PLAAT1: variants seen among roughly 807,000 people sequenced by gnomAD.
PLAAT1 encodes H-REV107 protein-related protein.
PLAAT1 carries 13 observed loss-of-function variants against 16.4 expected under a neutral mutation model. The observed-to-expected ratio is 0.79, with a 90% CI of 0.52 to 1.26. The LOEUF is 1.26. PLAAT1 is among the 50% of genes most tolerant of loss of function. The pLI, the probability that PLAAT1 is intolerant of heterozygous loss-of-function variation, is 0.00. For missense variants in PLAAT1, 218 were observed against 207.8 expected, an observed-to-expected ratio of 1.05 and a Z score of -0.30; for synonymous variants, 73 against 78.4, an observed-to-expected ratio of 0.93 and a Z score of 0.36.
chr3:193,262,551 C>A (rs1716624077), intron 2 of PLAAT1, among the ~76,000 whole-genome samples: 1 of 152,012 alleles, frequency 6.6e-6, no homozygotes, highest in East Asian at 1.9e-4. Flanking sequence ...GTGTACCCTA[C>A]AGTATTAATT....
At chr3:193,241,920 C>T (rs1304284343) in intron 1 of PLAAT1, among the ~76,000 whole-genome samples, 4 of 152,174 alleles carry the variant, frequency 2.6e-5, no homozygotes, top group Non-Finnish European at 5.9e-5. Context: ...TTTCTCTGGG[C>T]TTGGATTCCT....
chr3:193,247,554 C>T (rs1301502110), intron 1 of PLAAT1, among the ~76,000 whole-genome samples: 1 of 152,152 alleles, frequency 6.6e-6, no homozygotes, highest in East Asian at 1.9e-4. Flanking sequence ...TGTCTGCGTG[C>T]CTAATTATTC....
intron 1 of PLAAT1, among the ~76,000 whole-genome samples, chr3:193,253,207 C>G (rs1716257259): frequency 6.6e-6 from 1 of 152,140 alleles, no homozygotes; most frequent in African/African-American, 2.4e-5. Context: ...TAGCCTTCAG[C>G]TTCCTCTGTT....
At chr3:193,259,082 G>T (rs577921928) in intron 2 of PLAAT1, among the ~76,000 whole-genome samples, 1 of 152,272 alleles carries the variant, frequency 6.6e-6, no homozygotes, top group Admixed American at 6.5e-5. Flanking sequence ...TGAGGTACAA[G>T]ATTGGTTCGA....
chr3:193,259,289 A>G lies in PLAAT1; in HGVS notation c.139+3500A>G, dbSNP rs138807026. ...ACACCCACAGCCAACATCATACTGAATGGGCCATTCCCCTTCAGAACTGAA... is the reference window on the plus strand; with the variant it reads ...ACACCCACAGCCAACATCATACTGAGTGGGCCATTCCCCTTCAGAACTGAA... On this transcript the variant is annotated intron_variant, in intron 2 of 3. Transcript: ENST00000264735. Among the ~76,000 whole-genome samples, 899 of 152,214 alleles carry G rather than the reference A, an allele frequency of 5.9e-3. 11 individuals carry two copies. The highest frequency in any genetic ancestry group is 0.021 in the African/African-American group (854 of 41,560).
intron 1 of PLAAT1, 102 bp downstream of exon 1, chr3:193,241,635 G>A: frequency 1.3e-6 from 1 of 799,416 alleles, no homozygotes; most frequent in Non-Finnish European, 1.7e-6. Context: ...AGAGAACAAC[G>A]GAGCTTATCC....
In PLAAT1 at chr3:193,270,708, A is replaced by G. The variant is rs1369826280; in HGVS notation, c.*3A>G. ...GACAAAGAGCAAAATACTATTAACA[A>G]TTTACCAAAGAGATATTGATATTGA... On this transcript the variant is annotated 3_prime_UTR_variant, in exon 4 of 4. Transcript: ENST00000264735. 3.1e-6 allele frequency: 5 copies of G among 1,611,886 alleles called. No individual in the cohort carries two copies. The highest frequency in any genetic ancestry group is 4.5e-5 in the East Asian group (2 of 44,846).
chr3:193,268,839 TG>T (rs1716870311), intron 3 of PLAAT1, among the ~76,000 whole-genome samples: 1 of 152,304 alleles, frequency 6.6e-6, no homozygotes, highest in South Asian at 2.1e-4. Flanking sequence ...GTGTTTCTAG[TG>T]GCTGAAAGAT....
intron 1 of PLAAT1, among the ~76,000 whole-genome samples, chr3:193,253,656 C>T (rs1200809151): frequency 6.6e-6 from 1 of 152,012 alleles, no homozygotes; most frequent in Non-Finnish European, 1.5e-5. Context: ...GTGACCTGCC[C>T]AAAGTTAGAG....
chr3:193,244,720 C>T (rs1305286698), intron 1 of PLAAT1, among the ~76,000 whole-genome samples: 3 of 152,124 alleles, frequency 2.0e-5, no homozygotes, highest in African/African-American at 4.8e-5. Context: ...GGAGACTCTG[C>T]AGAGTCCCAA....
At chr3:193,252,289 C>T (rs1261468994) in intron 1 of PLAAT1, among the ~76,000 whole-genome samples, 1 of 152,180 alleles carries the variant, frequency 6.6e-6, no homozygotes, top group African/African-American at 2.4e-5. Context: ...GATCCACTCC[C>T]ATGATCCACA....
At chr3:193,252,564 T>A (rs1716229994) in intron 1 of PLAAT1, among the ~76,000 whole-genome samples, 1 of 152,166 alleles carries the variant, frequency 6.6e-6, no homozygotes, top group Non-Finnish European at 1.5e-5. Context: ...TTAAGGACAA[T>A]CAATTTACCA....
chr3:193,245,359 T>TG (rs1173386795), intron 1 of PLAAT1, among the ~76,000 whole-genome samples: 1 of 152,204 alleles, frequency 6.6e-6, no homozygotes, highest in East Asian at 1.9e-4. Context: ...ATGTTGTCAC[T>TG]AATGACGAAA....
chr3:193,241,095 G>A, upstream of PLAAT1: 1 of 785,384 alleles, frequency 1.3e-6, no homozygotes, highest in Non-Finnish European at 1.7e-6. Context: ...GGCTGCGTCG[G>A]GGCGCGAGAA....
At chr3:193,280,795 T>C (rs763658058), downstream of PLAAT1, among the ~76,000 whole-genome samples, 133 of 152,182 alleles carry the variant, frequency 8.7e-4, 1 homozygote, top group Non-Finnish European at 1.6e-4. Flanking sequence ...ATACAAATGA[T>C]TCTGACAATC....
At chr3:193,262,317 G>A (rs1008653560) in intron 2 of PLAAT1, among the ~76,000 whole-genome samples, 1 of 149,982 alleles carries the variant, frequency 6.7e-6, no homozygotes, top group African/African-American at 2.5e-5. Flanking sequence ...TACCAAGTTA[G>A]CTTCAGGCTC....
chr3:193,268,707 G>C (rs952816475), intron 3 of PLAAT1, among the ~76,000 whole-genome samples: 4 of 152,196 alleles, frequency 2.6e-5, no homozygotes, highest in Non-Finnish European at 5.9e-5. Flanking sequence ...AAGTGGCACT[G>C]CTTAAAGTGG....
chr3:193,251,858 T>G (rs1327012031), intron 1 of PLAAT1, among the ~76,000 whole-genome samples: 3 of 152,120 alleles, frequency 2.0e-5, no homozygotes, highest in Non-Finnish European at 4.4e-5. Context: ...CTTAGTGTGT[T>G]TGTAGGAGAA....
downstream of PLAAT1, among the ~76,000 whole-genome samples, chr3:193,275,685 G>T (rs1717163861): frequency 6.6e-6 from 1 of 152,156 alleles, no homozygotes; most frequent in South Asian, 2.1e-4. Context: ...CTAAGCGTTT[G>T]TTGAATAAAG....
Sources: gnomAD v4.1 joint callset for allele counts (sites outside exome capture counted in the v4.1 genomes callset) on GRCh38, gnomAD v4.1.1 for gene constraint, MANE v1.5 for transcripts, NCBI Gene and HGNC (gene_info 2026-07-23, HGNC 2026-07-21) for gene names.